The following PROCR variants were observed in gnomAD, a reference collection of about 807,000 sequenced individuals.
PROCR encodes protein C receptor.
Under a neutral mutation model 24.2 loss-of-function variants are expected in PROCR, and 22 were observed. The ratio of observed to expected loss-of-function variants is 0.91; its 90% CI spans 0.65 to 1.30. PROCR has a LOEUF of 1.30. PROCR is among the 50% of genes most tolerant of loss of function. The probability of loss-of-function intolerance (pLI) is 0.00; values close to 1 mark genes in which losing one functional copy is unlikely to be tolerated. For missense variants in PROCR, 288 were observed against 307.7 expected (o/e 0.94, Z 0.48); for synonymous variants, 137 against 139.2 (o/e 0.98, Z 0.11).
In PROCR at chr20:35,174,965, C is replaced by T. The variant is rs1038784485; in HGVS notation, c.322+12C>T. 10 of 1,306,608 alleles carry T rather than the reference C, an allele frequency of 7.7e-6. No homozygotes were observed. The highest frequency in any genetic ancestry group is 2.4e-5 in the Admixed American group (1 of 41,858). The allele number at this position is 1,306,608 out of a possible 1,614,324, so 80.9% of individuals were successfully genotyped here. A position where few individuals can be genotyped will look rare whatever the true frequency, so the allele number is the denominator to read the frequency against. ...GCGGACCTTGGCCTGTGAGTAGGCG[C>T]GCAGCGGGGGCGGGGTCTGGGCGGG... On this transcript the variant is annotated intron_variant, in intron 2 of 3. Coordinates refer to ENST00000216968, the MANE Select transcript of PROCR (RefSeq NM_006404.5).
chr20:35,179,971 C>T (rs1206213928), downstream of PROCR, among the ~76,000 whole-genome samples: 2 of 152,098 alleles, frequency 1.3e-5, no homozygotes, highest in Non-Finnish European at 2.9e-5. Flanking sequence ...GTTGGCCGGG[C>T]ATGATGGTTC....
At chr20:35,178,132 G>A (rs534873411), downstream of PROCR, among the ~76,000 whole-genome samples, 22 of 151,986 alleles carry the variant, frequency 1.4e-4, no homozygotes, top group East Asian at 1.9e-3. Flanking sequence ...GGCCAGGCGC[G>A]GTGGCTCACG....
chr20:35,198,563 A>G (rs1206459470), intron 1 of PROCR, among the ~76,000 whole-genome samples: 1 of 152,214 alleles, frequency 6.6e-6, no homozygotes, highest in Non-Finnish European at 1.5e-5. Context: ...CCAGAACATA[A>G]AAGTACAAGG....
At chr20:35,201,666 C>G (rs560061578) in intron 1 of PROCR, 1 of 147,574 alleles carries the variant, frequency 6.8e-6, no homozygotes, top group African/African-American at 2.5e-5. Flanking sequence ...CCAGCCTGGG[C>G]GGCAGAGCAA....
chr20:35,202,413 C>T (rs1270945301), intron 1 of PROCR: 6 of 147,290 alleles, frequency 4.1e-5, no homozygotes, highest in Non-Finnish European at 5.9e-5. Context: ...GAGATCACGT[C>T]ATTGCATTCC....
chr20:35,210,901 C>T (rs891923974), intron 1 of PROCR, among the ~76,000 whole-genome samples: 11 of 152,018 alleles, frequency 7.2e-5, no homozygotes, highest in African/African-American at 2.7e-4. Flanking sequence ...TTAGTAGAGA[C>T]AGGGTTTCAC....
intron 1 of PROCR, among the ~76,000 whole-genome samples, chr20:35,204,416 T>TCC (rs2060330441): frequency 6.9e-6 from 1 of 144,540 alleles, no homozygotes; most frequent in African/African-American, 2.5e-5. Flanking sequence ...TTTCTTTCCT[T>TCC]TTCTCTTTTC....
chr20:35,212,360 GCCCTCACGCTT>G (rs1200601566), intron 1 of PROCR, among the ~76,000 whole-genome samples: 1 of 152,124 alleles, frequency 6.6e-6, no homozygotes, highest in Non-Finnish European at 1.5e-5. Flanking sequence ...TCTTAGAAGG[GCCCTCACGCTT>G]GTTTTAATGT....
chr20:35,186,461 G>T (rs1282040576), intron 1 of PROCR, among the ~76,000 whole-genome samples: 1 of 151,696 alleles, frequency 6.6e-6, no homozygotes, highest in African/African-American at 2.4e-5. Context: ...AGCTACTCGG[G>T]AGGCTGAGGC....
chr20:35,199,455 A>C (rs2060310864), intron 1 of PROCR, among the ~76,000 whole-genome samples: 1 of 152,184 alleles, frequency 6.6e-6, no homozygotes. Flanking sequence ...TTCAAGTCTT[A>C]TTTAAGAAAT....
In PROCR at chr20:35,172,158, T is replaced by C. The variant is rs56234519; in HGVS notation, c.4T>C (p.Leu2=). ...GGTCCGGAGCCTCAACTTCAGGATG[T>C]TGACAACATTGCTGCCGATACTGCT... M[L]TTLLPILLLS... Residue 2 remains leucine, a synonymous_variant, in exon 1 of 4, where the codon TTG becomes CTG. Coordinates refer to ENST00000216968, the MANE Select transcript of PROCR (RefSeq NM_006404.5). 10 of 1,614,068 alleles carry C rather than the reference T, an allele frequency of 6.2e-6. No individual in the cohort carries two copies. Among genetic ancestry groups the C allele is most frequent in the Admixed American group, 5.0e-5 (3 of 59,994 alleles).
chr20:35,177,530 C>T (rs2086033572), downstream of PROCR, among the ~76,000 whole-genome samples: 1 of 138,096 alleles, frequency 7.2e-6, no homozygotes. Context: ...CTCACTGCAA[C>T]CTCTGCCTCC....
chr20:35,205,779 A>ATATATATATATATATATATG (rs2060338001), intron 1 of PROCR, among the ~76,000 whole-genome samples: 1 of 134,252 alleles, frequency 7.4e-6, no homozygotes, highest in African/African-American at 3.1e-5. Flanking sequence ...ATATATATAT[A>ATATATATATATATATATATG]TATATATATG....
At chr20:35,204,425 TCTTTTCTTTC>T (rs2060330513) in intron 1 of PROCR, among the ~76,000 whole-genome samples, 1 of 150,436 alleles carries the variant, frequency 6.6e-6, no homozygotes, top group Admixed American at 6.7e-5. Flanking sequence ...TTTTCTCTTT[TCTTTTCTTTC>T]CTTTTCTTTC....
Position 35,210,094 on chromosome 20 carries a change from T to C in PROCR, c.95-5799T>C, listed in dbSNP as rs1267543191. On this transcript the variant is annotated intron_variant, in intron 1 of 1. Coordinates refer to the PROCR transcript ENST00000634509. ...TTAAAAAATTAGCCAGGTGTGGTGG[T>C]GTGTGTCTGTAGTCCTAGCTATTTG... 5.9e-5 allele frequency among the ~76,000 whole-genome samples: 9 copies of C among 152,008 alleles called. No homozygotes were observed. In the East Asian group the frequency reaches 1.7e-3, roughly 29 times the overall value.
Position 35,194,254 on chromosome 20 carries a change from T to G in PROCR, c.94+17808T>G, listed in dbSNP as rs186553734. Among the ~76,000 whole-genome samples the G allele has an allele frequency of 1.3e-3, 196 of 152,276 alleles. 1 individual carries two copies. Among genetic ancestry groups the G allele is most frequent in the Non-Finnish European group, 2.5e-3 (171 of 68,026 alleles). ...AACTCTTTTGAGGAGTTTGGTTTGT[T>G]TTACAGAAGAACAGAGAAGTAAGAT... is the stretch of plus-strand genomic sequence containing the variant. On this transcript the variant is annotated intron_variant, in intron 1 of 1. Transcript: ENST00000634509.
At chr20:35,206,754 G>A (rs2060344537) in intron 1 of PROCR, among the ~76,000 whole-genome samples, 1 of 152,080 alleles carries the variant, frequency 6.6e-6, no homozygotes, top group South Asian at 2.1e-4. Context: ...AATTACTGGT[G>A]GGAAAACAAA....
chr20:35,202,364 G>A (rs1360833648), intron 1 of PROCR: 1 of 151,462 alleles, frequency 6.6e-6, no homozygotes, highest in Non-Finnish European at 1.5e-5. Context: ...TGAGGCAGGA[G>A]AATTGCTTGA....
chr20:35,179,357 C>T (rs555633118), downstream of PROCR, among the ~76,000 whole-genome samples: 3 of 150,654 alleles, frequency 2.0e-5, no homozygotes, highest in Non-Finnish European at 4.4e-5. Flanking sequence ...GCCTAGACAA[C>T]ATAGTGAGAC....
Sources: allele counts gnomAD v4.1 joint callset (sites outside exome capture counted in the v4.1 genomes callset), GRCh38; gene constraint gnomAD v4.1.1; transcripts MANE v1.5; gene names NCBI Gene and HGNC (gene_info 2026-07-23, HGNC 2026-07-21).